The following DLG2 variants were observed in gnomAD, a reference collection of about 807,000 sequenced individuals.
DLG2 encodes disks large homolog 2.
A neutral mutation model predicts 132.5 loss-of-function variants in DLG2; 45 were observed. The observed-to-expected ratio is 0.34, with a 90% CI of 0.27 to 0.44. The LOEUF is 0.44. DLG2 is among the 20% of genes least tolerant of loss of function. The pLI is 1.00. For missense variants in DLG2, 1,045 were observed against 1,196.9 expected (o/e 0.87, Z 1.87); for synonymous variants, 424 against 419.6 (o/e 1.01, Z -0.13).
intron 2 of DLG2, among the ~76,000 whole-genome samples, chr11:85,611,298 T>G (rs1416805577): frequency 6.6e-6 from 1 of 152,194 alleles, no homozygotes; most frequent in East Asian, 1.9e-4. Flanking sequence ...AATGGCATAC[T>G]AGGTGCCAAA....
At position 84,928,982 on chromosome 11, in the gene DLG2, G is replaced by GTGTA. The variant is rs1400906684; in HGVS notation, c.357+182678_357+182679insTACA. 5.5e-3 allele frequency among the ~76,000 whole-genome samples: 270 copies of GTGTA among 49,088 alleles called. 1 individual carries two copies. The highest frequency in any genetic ancestry group is 8.0e-3 in the Non-Finnish European group (226 of 28,138). The allele number at this position is 49,088 out of a possible 152,430, so 32.2% of individuals were successfully genotyped here. ...TATGTGTGTGTGTGTGTGTGTGTGT[G>GTGTA]TATATATATATATATATATATATAT... On this transcript the variant is annotated intron_variant, in intron 6 of 27. Coordinates refer to ENST00000376104, the MANE Select transcript of DLG2 (RefSeq NM_001142699.3).
chr11:83,680,458 T>A (rs1197082120), intron 18 of DLG2, among the ~76,000 whole-genome samples: 1 of 152,196 alleles, frequency 6.6e-6, no homozygotes, highest in Non-Finnish European at 1.5e-5. Context: ...AACACAGATG[T>A]TCATTTGTAT....
chr11:84,804,342 C>G, intron 6 of DLG2, among the ~76,000 whole-genome samples: 1 of 152,090 alleles, frequency 6.6e-6, no homozygotes, highest in East Asian at 1.9e-4. Flanking sequence ...TGCTAAATGC[C>G]AAGTGCTAAA....
chr11:85,538,423 AC>A (rs747021725), intron 3 of DLG2, among the ~76,000 whole-genome samples: 36 of 151,970 alleles, frequency 2.4e-4, no homozygotes, highest in Non-Finnish European at 4.4e-4. Context: ...ATTGTGGAAG[AC>A]AGTGTGGTGA....
At chr11:84,412,240 C>A (rs917906534) in intron 7 of DLG2, among the ~76,000 whole-genome samples, 2 of 151,348 alleles carry the variant, frequency 1.3e-5, no homozygotes, top group African/African-American at 4.9e-5. Context: ...AATGAACAAA[C>A]CATAGACTGA....
chr11:84,266,817 T>C (rs148287719), intron 7 of DLG2, among the ~76,000 whole-genome samples: 2 of 152,208 alleles, frequency 1.3e-5, no homozygotes, highest in Non-Finnish European at 2.9e-5. Flanking sequence ...TTCCTCATTA[T>C]CGTTTCATTG....
intron 17 of DLG2, among the ~76,000 whole-genome samples, chr11:83,807,896 T>C (rs1421851939): frequency 6.6e-6 from 1 of 152,126 alleles, no homozygotes. Flanking sequence ...CACTGTGTCC[T>C]TTCTCCCCTA....
At position 84,265,812 on chromosome 11, in the gene DLG2, T is replaced by G. The variant is rs1361428706; in HGVS notation, c.520-14521A>C. On this transcript the variant is annotated intron_variant, in intron 7 of 27. Coordinates refer to ENST00000376104, the MANE Select transcript of DLG2 (RefSeq NM_001142699.3). ...AGAATTCCCATTGCTCCTAAGCATCTTCTCGCTAAATAAAAATATCTAAAT... is the reference window on the plus strand; with the variant it reads ...AGAATTCCCATTGCTCCTAAGCATCGTCTCGCTAAATAAAAATATCTAAAT... Among the ~76,000 whole-genome samples the G allele has an allele frequency of 2.6e-5, 4 of 152,112 alleles. No homozygotes were observed. The East Asian group carries it at 7.7e-4, about 29-fold the overall frequency.
chr11:84,294,535 T>C (rs1038290495), intron 7 of DLG2, among the ~76,000 whole-genome samples: 3 of 152,180 alleles, frequency 2.0e-5, no homozygotes, highest in East Asian at 3.9e-4. Flanking sequence ...GAGGTGAAGG[T>C]TGCAGTGAGC....
At chr11:84,957,842 T>A (rs1443844819) in intron 6 of DLG2, among the ~76,000 whole-genome samples, 1 of 152,234 alleles carries the variant, frequency 6.6e-6, no homozygotes, top group African/African-American at 2.4e-5. Context: ...TCTGTGCAAT[T>A]CTGGAAAGCC....
intron 7 of DLG2, among the ~76,000 whole-genome samples, chr11:84,506,161 C>T (rs1168163768): frequency 6.9e-6 from 1 of 145,706 alleles, no homozygotes; most frequent in Non-Finnish European, 1.5e-5. Flanking sequence ...CTGCAAGCTC[C>T]GCCTCCCGGG....
intron 6 of DLG2, among the ~76,000 whole-genome samples, chr11:84,539,889 C>T (rs1480391565): frequency 1.3e-5 from 2 of 152,140 alleles, no homozygotes; most frequent in Admixed American, 6.5e-5. Context: ...TAATACCACA[C>T]ATCTACAACC....
rs183365289 is a variant in DLG2 at position 84,699,241 on chromosome 11, A to C, written c.358-164510T>G. ...CTGGATTTGATTCTTATTAACTGTA[A>C]GTGCTTGGGCATGTTCCTGATTTTC... On this transcript the variant is annotated intron_variant, in intron 6 of 27. Coordinates refer to ENST00000376104, the MANE Select transcript of DLG2 (RefSeq NM_001142699.3). 3.1e-4 allele frequency among the ~76,000 whole-genome samples: 47 copies of C among 151,720 alleles called. No individual in the cohort carries two copies. The East Asian group carries it at 8.6e-3, about 28-fold the overall frequency.
At chr11:83,630,577 C>G (rs1349126261) in intron 19 of DLG2, among the ~76,000 whole-genome samples, 2 of 152,178 alleles carry the variant, frequency 1.3e-5, no homozygotes, top group Non-Finnish European at 2.9e-5. Flanking sequence ...TAGAATTTCT[C>G]CTCTCCTTAT....
intron 4 of DLG2, among the ~76,000 whole-genome samples, chr11:85,281,908 C>T (rs1050644705): frequency 7.9e-5 from 12 of 151,882 alleles, no homozygotes; most frequent in Non-Finnish European, 1.3e-4. Context: ...ATCTGTACTC[C>T]AATGTTTATT....
At chr11:84,676,686 T>C (rs953890930) in intron 6 of DLG2, among the ~76,000 whole-genome samples, 11 of 152,084 alleles carry the variant, frequency 7.2e-5, no homozygotes, top group Admixed American at 2.6e-4. Flanking sequence ...CTGTGGCAAA[T>C]ACAGGCATAA....
intron 3 of DLG2, among the ~76,000 whole-genome samples, chr11:85,581,379 G>A (rs1453702582): frequency 1.1e-4 from 17 of 151,958 alleles, no homozygotes; most frequent in South Asian, 6.2e-4. Context: ...TTCAGAGGCC[G>A]AGGCAGACAG....
At chr11:83,721,525 T>C (rs1271294614) in intron 18 of DLG2, among the ~76,000 whole-genome samples, 1 of 152,194 alleles carries the variant, frequency 6.6e-6, no homozygotes, top group Non-Finnish European at 1.5e-5. Context: ...ACTGAGCACC[T>C]GCTATTCACT....
chr11:85,020,394 T>C (rs1443562518), intron 6 of DLG2, among the ~76,000 whole-genome samples: 1 of 152,164 alleles, frequency 6.6e-6, no homozygotes, highest in Non-Finnish European at 1.5e-5. Context: ...CTGCAAAAAT[T>C]TTCTCCCATT....
Sources: allele counts gnomAD v4.1 joint callset (sites outside exome capture counted in the v4.1 genomes callset), GRCh38; gene constraint gnomAD v4.1.1; transcripts MANE v1.5; gene names NCBI Gene and HGNC (gene_info 2026-07-23, HGNC 2026-07-21).